PRKAR1A: variants seen among roughly 807,000 people sequenced by gnomAD.
PRKAR1A encodes the protein protein kinase cAMP-dependent type I regulatory subunit alpha.
Under a neutral mutation model 52.0 loss-of-function variants are expected in PRKAR1A, and 3 were observed. The observed-to-expected ratio is 0.06, with a 90% CI of 0.03 to 0.15. PRKAR1A has a LOEUF of 0.15. Among genes scored for constraint, PRKAR1A ranks in the 10% least tolerant of loss-of-function variants. The pLI is 1.00. For missense variants in PRKAR1A, 240 were observed against 477.4 expected, an observed-to-expected ratio of 0.50 and a Z score of 4.63; for synonymous variants, 188 against 168.4, an observed-to-expected ratio of 1.12 and a Z score of -0.90.
chr17:68,426,402 G>A, the PRKAR1A span, among the ~76,000 whole-genome samples: 1 of 152,078 alleles, frequency 6.6e-6, no homozygotes, highest in Non-Finnish European at 1.5e-5. Context: ...CTACCTCTTT[G>A]AATTTTTCTT....
chr17:68,531,124 A>G lies in PRKAR1A; in HGVS notation c.*675A>G, dbSNP rs747760616. 3.3e-5 allele frequency: 35 copies of G among 1,067,282 alleles called. No individual in the cohort carries two copies. The highest frequency in any genetic ancestry group is 3.5e-5 in the Non-Finnish European group (31 of 880,396). 66.1% of individuals were successfully genotyped at this position (1,067,282 alleles called of 1,614,324 possible). A position where few individuals can be genotyped will look rare whatever the true frequency, so the allele number is the denominator to read the frequency against. On this transcript the variant is annotated 3_prime_UTR_variant, in exon 11 of 11. Coordinates refer to ENST00000589228, the MANE Select transcript of PRKAR1A (RefSeq NM_002734.5). ...CTTCTCCAATTCTGAAATACTTTTG[A>G]GTATGGCTATCTATACCTGCCTTTT...
At chr17:68,440,202 C>T in the PRKAR1A span, among the ~76,000 whole-genome samples, 1 of 152,182 alleles carries the variant, frequency 6.6e-6, no homozygotes, top group East Asian at 1.9e-4. Context: ...GGAATCCTGC[C>T]TTCCTACCCT....
chr17:68,428,649 T>G, the PRKAR1A span: 1 of 571,068 alleles, frequency 1.8e-6, no homozygotes, highest in Non-Finnish European at 3.1e-6. Flanking sequence ...GATTACCACA[T>G]GCTGAGGGCA....
chr17:68,418,181 G>A, the PRKAR1A span, among the ~76,000 whole-genome samples: 2 of 152,148 alleles, frequency 1.3e-5, no homozygotes, highest in Admixed American at 6.5e-5. Context: ...ATGCATTGTA[G>A]CAATTCTGAT....
At position 68,531,961 on chromosome 17, in the gene PRKAR1A, A is replaced by C; in HGVS notation, c.*1512A>C. On this transcript the variant is annotated 3_prime_UTR_variant, in exon 11 of 11. Coordinates refer to ENST00000589228, the MANE Select transcript of PRKAR1A (RefSeq NM_002734.5). ...CTGTGTGCAACTAACTGACTCTGTT[A>C]TTGATCCCTTCTCCTGCCCTTTCCC... 9.4e-7 allele frequency: 1 copy of C among 1,066,058 alleles called. No individual in the cohort carries two copies. Among genetic ancestry groups the C allele is most frequent in the Non-Finnish European group, 1.1e-6 (1 of 879,542 alleles). 66.0% of individuals were successfully genotyped at this position (1,066,058 alleles called of 1,614,324 possible).
the PRKAR1A span, among the ~76,000 whole-genome samples, chr17:68,475,977 G>T: frequency 3.3e-5 from 5 of 151,832 alleles, no homozygotes; most frequent in Non-Finnish European, 7.4e-5. Context: ...TTGATTTTTT[G>T]GGGGGGTTAT....
the PRKAR1A span, among the ~76,000 whole-genome samples, chr17:68,492,461 T>A: frequency 1.3e-5 from 2 of 152,052 alleles, no homozygotes; most frequent in African/African-American, 4.8e-5. Flanking sequence ...GCAGAGCCAC[T>A]GTGACTGAGA....
chr17:68,426,009 A>G, the PRKAR1A span: 109 of 1,276,068 alleles, frequency 8.5e-5, 4 homozygotes, highest in South Asian at 9.1e-4. Context: ...TGCCTCTCGT[A>G]TGAGGCGAAG....
In PRKAR1A at chr17:68,525,886, C is replaced by A; in HGVS notation, c.682C>A (p.Arg228=). ...AAATGTGAAATTGTGGGGCATCGAC[C>A]GAGACAGCTATAGAAGAATCCTCAT... The part of the protein sequence containing the change: ...KTNVKLWGID[R]DSYRRILMGS... Residue 228 remains arginine (R), a synonymous_variant, in exon 7 of 11, where the codon CGA becomes AGA. Coordinates refer to ENST00000589228, the MANE Select transcript of PRKAR1A (RefSeq NM_002734.5). 3.1e-6 allele frequency: 5 copies of A among 1,613,356 alleles called. No homozygotes were observed. Among genetic ancestry groups the A allele is most frequent in the Non-Finnish European group, 4.2e-6 (5 of 1,179,798 alleles).
Position 68,531,036 on chromosome 17 carries a change from T to C in PRKAR1A, c.*587T>C, listed in dbSNP as rs1600498082. The C allele has an allele frequency of 1.2e-5, 13 of 1,069,104 alleles. No individual in the cohort carries two copies. The South Asian group carries it at 1.3e-4, about 11-fold the overall frequency. The allele number at this position is 1,069,104 out of a possible 1,614,324, so 66.2% of individuals were successfully genotyped here. On this transcript the variant is annotated 3_prime_UTR_variant, in exon 11 of 11. Transcript: ENST00000589228. ...ATATGATTGGTTCAGTTTTTTTTTT[T>C]CCAGAGTTGTTGTTTGCCAAGCTAA...
In PRKAR1A at chr17:68,530,451, A is replaced by G. The variant is rs367899201; in HGVS notation, c.*2A>G. ...AGTTTTGTGTCACTGTCTGTCTGAA[A>G]TCTGCCTCCTGTGCCTCCCTTTTCT... On this transcript the variant is annotated 3_prime_UTR_variant, in exon 11 of 11. Coordinates refer to ENST00000589228, the MANE Select transcript of PRKAR1A (RefSeq NM_002734.5). 3 of 1,614,078 alleles carry G rather than the reference A, an allele frequency of 1.9e-6. No homozygotes were observed. The highest frequency in any genetic ancestry group is 2.5e-6 in the Non-Finnish European group (3 of 1,179,942).
the PRKAR1A span, among the ~76,000 whole-genome samples, chr17:68,482,891 G>A: frequency 6.6e-6 from 1 of 152,194 alleles, no homozygotes; most frequent in Non-Finnish European, 1.5e-5. Context: ...TTTCCAGGCA[G>A]AAAGTATTTC....
chr17:68,487,789 G>A, the PRKAR1A span, among the ~76,000 whole-genome samples: 1 of 146,930 alleles, frequency 6.8e-6, no homozygotes, highest in East Asian at 2.0e-4. Context: ...GACAGAGTAA[G>A]ACCTCATCTC....
the PRKAR1A span, among the ~76,000 whole-genome samples, chr17:68,470,007 A>C: frequency 6.6e-5 from 10 of 152,260 alleles, no homozygotes; most frequent in Non-Finnish European, 1.2e-4. Context: ...ATCATATCAC[A>C]ACATCATGTA....
At chr17:68,434,447 G>A in the PRKAR1A span, 1 of 1,078,510 alleles carries the variant, frequency 9.3e-7, no homozygotes, top group Non-Finnish European at 1.3e-6. Flanking sequence ...CTTCCTCCAG[G>A]TGAGTGGAGG....
the PRKAR1A span, chr17:68,420,141 G>A: frequency 3.1e-6 from 5 of 1,601,010 alleles, no homozygotes; most frequent in Non-Finnish European, 8.5e-7. Context: ...TTACAACACA[G>A]GGCAACTGTC....
chr17:68,544,945 C>T (rs2143547439), intron 11 of PRKAR1A, among the ~76,000 whole-genome samples: 2 of 152,312 alleles, frequency 1.3e-5, no homozygotes, highest in East Asian at 3.9e-4. Flanking sequence ...CAGTGCTTCT[C>T]ATACTTTGAG....
the PRKAR1A span, among the ~76,000 whole-genome samples, chr17:68,416,923 G>T: frequency 6.6e-6 from 1 of 152,088 alleles, no homozygotes; most frequent in African/African-American, 2.4e-5. Context: ...TTTCTCTGGT[G>T]CCTCCCTAAT....
At chr17:68,454,956 T>C in the PRKAR1A span, among the ~76,000 whole-genome samples, 1 of 152,236 alleles carries the variant, frequency 6.6e-6, no homozygotes, top group African/African-American at 2.4e-5. Context: ...TCAAGGAATT[T>C]AGACTTAGAC....
Sources: allele counts gnomAD v4.1 joint callset (sites outside exome capture counted in the v4.1 genomes callset), GRCh38; gene constraint gnomAD v4.1.1; transcripts MANE v1.5; gene names NCBI Gene and HGNC (gene_info 2026-07-23, HGNC 2026-07-21).